The following YWHAE variants were observed in gnomAD, a reference collection of about 807,000 sequenced individuals.
YWHAE encodes tyrosine 3-monooxygenase/tryptophan 5-monooxygenase activation protein epsilon.
Under a neutral mutation model 30.1 loss-of-function variants are expected in YWHAE, and 4 were observed. The ratio of observed to expected loss-of-function variants is 0.13; its 90% confidence interval spans 0.07 to 0.30. The LOEUF (loss-of-function observed/expected upper bound fraction) is 0.30. YWHAE is among the 10% of genes least tolerant of loss of function. The pLI, the probability that YWHAE is intolerant of heterozygous loss-of-function variation, is 1.00. For missense variants in YWHAE, 121 were observed against 315.9 expected (o/e 0.38, Z 4.68); for synonymous variants, 118 against 111.8 (o/e 1.06, Z -0.35).
rs1297316892 is a variant in YWHAE at position 1,390,087 on chromosome 17, G to A, written c.64+9960C>T. Among the ~76,000 whole-genome samples the A allele has an allele frequency of 3.3e-5, 5 of 151,998 alleles. 1 individual carries two copies. Among genetic ancestry groups the A allele is most frequent in the African/African-American group, 1.2e-4 (5 of 41,380 alleles). ...TTGAACTCCCGACCTCAGGTGATCC[G>A]CCCAACTTGGCCTCCCAAAGTGCTG... On this transcript the variant is annotated intron_variant, in intron 1 of 5. Transcript: ENST00000264335.
intron 1 of YWHAE, among the ~76,000 whole-genome samples, chr17:1,385,690 T>C (rs984994283): frequency 6.6e-6 from 1 of 152,156 alleles, no homozygotes; most frequent in East Asian, 1.9e-4. Flanking sequence ...CTCCTGAATT[T>C]AATGGCTCCT....
intron 1 of YWHAE, among the ~76,000 whole-genome samples, chr17:1,369,197 T>A (rs2072992218): frequency 6.6e-6 from 1 of 152,126 alleles, no homozygotes; most frequent in Non-Finnish European, 1.5e-5. Context: ...ACCTAACAAT[T>A]CACCCATTTA....
At chr17:1,360,162 A>G (rs1200696725) in intron 4 of YWHAE, among the ~76,000 whole-genome samples, 1 of 152,060 alleles carries the variant, frequency 6.6e-6, no homozygotes, top group Non-Finnish European at 1.5e-5. Context: ...GAGTTTCACC[A>G]TGTTGGTCAG....
intron 1 of YWHAE, among the ~76,000 whole-genome samples, chr17:1,396,687 G>A (rs1364369563): frequency 6.6e-6 from 1 of 152,048 alleles, no homozygotes; most frequent in Non-Finnish European, 1.5e-5. Flanking sequence ...GTGCAATGGC[G>A]CAATCTCGGC....
In YWHAE at chr17:1,370,931, C is replaced by T. The variant is rs1598251264; in HGVS notation, c.65-5873G>A. Among the ~76,000 whole-genome samples, 4 of 151,828 alleles carry T rather than the reference C, an allele frequency of 2.6e-5. No individual in the cohort carries two copies. The South Asian group carries it at 8.4e-4, about 32-fold the overall frequency. On this transcript the variant is annotated intron_variant, in intron 1 of 5. Coordinates refer to ENST00000264335, the MANE Select transcript of YWHAE (RefSeq NM_006761.5). ...AGGAGAATGGTGTGAACCCGGGAGG[C>T]GGAGCTGCAGTGAGCTGAGATAGTG...
chr17:1,360,379 CATT>C, intron 4 of YWHAE, among the ~76,000 whole-genome samples: 1 of 152,310 alleles, frequency 6.6e-6, no homozygotes, highest in South Asian at 2.1e-4. Context: ...GTTTAACACA[CATT>C]AGTAAGACTG....
chr17:1,390,954 G>A (rs949930058), intron 1 of YWHAE, among the ~76,000 whole-genome samples: 9 of 152,200 alleles, frequency 5.9e-5, no homozygotes, highest in African/African-American at 2.2e-4. Flanking sequence ...AACAAGATAT[G>A]GGTGAGCCTT....
intron 1 of YWHAE, among the ~76,000 whole-genome samples, chr17:1,396,212 G>A (rs2073469195): frequency 6.6e-6 from 1 of 152,044 alleles, no homozygotes; most frequent in African/African-American, 2.4e-5. Context: ...CTGAGGTCGG[G>A]AGTTCGAGAC....
chr17:1,384,654 C>T (rs914882376), intron 1 of YWHAE, among the ~76,000 whole-genome samples: 5 of 152,052 alleles, frequency 3.3e-5, no homozygotes, highest in Non-Finnish European at 7.4e-5. Flanking sequence ...GTCTTGAACT[C>T]CTGACATTAT....
intron 1 of YWHAE, among the ~76,000 whole-genome samples, chr17:1,381,820 G>A (rs8065719): frequency 0.075 from 11,323 of 151,340 alleles, 482 homozygotes; most frequent in African/African-American, 0.1. Context: ...GACTGAGGTG[G>A]GAGGATCACT....
chr17:1,395,344 A>G (rs1459450830), intron 1 of YWHAE, among the ~76,000 whole-genome samples: 1 of 152,110 alleles, frequency 6.6e-6, no homozygotes, highest in South Asian at 2.1e-4. Flanking sequence ...CCTGGCCAAC[A>G]TGGTGAAACC....
intron 4 of YWHAE, among the ~76,000 whole-genome samples, chr17:1,357,927 C>A (rs77733477): frequency 0.012 from 1,753 of 148,658 alleles, 20 homozygotes; most frequent in South Asian, 0.017. Context: ...ACTCTCCTCT[C>A]GGGGGAAAAA....
chr17:1,359,953 A>AAAGGG (rs1426732261), intron 4 of YWHAE, among the ~76,000 whole-genome samples: 1 of 25,488 alleles, frequency 3.9e-5, no homozygotes, highest in Non-Finnish European at 7.0e-5. Context: ...AGGGGGGGAG[A>AAAGGG]GAGGGGGAGA....
At chr17:1,362,033 A>G in intron 2 of YWHAE, 25 bp from the exon 3 acceptor site, 1 of 1,385,126 alleles carries the variant, frequency 7.2e-7, no homozygotes, top group Non-Finnish European at 9.8e-7. Flanking sequence ...ATTTTTTTTA[A>G]ATCAGATTAA....
Position 1,361,895 on chromosome 17 carries a change from A to C in YWHAE, c.371+7T>G. The C allele has an allele frequency of 6.3e-7, 1 of 1,579,560 alleles. No homozygotes were observed. Among genetic ancestry groups the C allele is most frequent in the Non-Finnish European group, 8.6e-7 (1 of 1,164,732 alleles). On this transcript the variant is annotated splice_region_variant and intron_variant, in intron 3 of 5. Coordinates refer to ENST00000264335, the MANE Select transcript of YWHAE (RefSeq NM_006761.5). ...TCTTACATTTTCCCTTCTAGTATAGAACCTACATTTTATAATAGAAAACCT... is the reference window on the plus strand; with the variant it reads ...TCTTACATTTTCCCTTCTAGTATAGCACCTACATTTTATAATAGAAAACCT...
At chr17:1,370,293 A>ATT (rs201079697) in intron 1 of YWHAE, among the ~76,000 whole-genome samples, 1 of 150,562 alleles carries the variant, frequency 6.6e-6, no homozygotes, top group South Asian at 2.1e-4. Flanking sequence ...TGCCCAGTGA[A>ATT]TTTTTTTGTG....
Position 1,345,292 on chromosome 17 carries a change from A to T in YWHAE, c.*155T>A. On this transcript the variant is annotated 3_prime_UTR_variant, in exon 6 of 6. Coordinates refer to ENST00000264335, the MANE Select transcript of YWHAE (RefSeq NM_006761.5). The stretch of plus-strand genomic sequence containing the variant: ...TTAAGAACTTTTGAAAACTGTTTAA[A>T]AAAAAAAAAAAAAAACCAACAGGGC... The T allele has an allele frequency of 1.5e-6, 1 of 679,580 alleles. No homozygotes were observed. The highest frequency in any genetic ancestry group is 2.4e-6 in the Non-Finnish European group (1 of 422,960). 42.1% of individuals were successfully genotyped at this position (679,580 alleles called of 1,614,324 possible). A position where few individuals can be genotyped will look rare whatever the true frequency, so the allele number is the denominator to read the frequency against.
intron 4 of YWHAE, among the ~76,000 whole-genome samples, chr17:1,355,103 C>A (rs1286684489): frequency 8.7e-5 from 7 of 80,164 alleles, no homozygotes; most frequent in African/African-American, 2.5e-4. Context: ...ACACTACCAC[C>A]CCCAAGATTT....
chr17:1,388,480 C>CGCCA (rs2073341618), intron 1 of YWHAE, among the ~76,000 whole-genome samples: 1 of 150,728 alleles, frequency 6.6e-6, no homozygotes, highest in African/African-American at 2.4e-5. Context: ...GCAAGTGGAG[C>CGCCA]GCCACTGCAC....
Sources: allele counts gnomAD v4.1 joint callset (sites outside exome capture counted in the v4.1 genomes callset), GRCh38; gene constraint gnomAD v4.1.1; transcripts MANE v1.5; gene names NCBI Gene and HGNC (gene_info 2026-07-23, HGNC 2026-07-21).